The following PTBP2 variants were observed in gnomAD, a reference collection of about 807,000 sequenced individuals.
PTBP2 encodes polypyrimidine tract binding protein 2, also known as polypyrimidine tract-binding protein 2.
A neutral mutation model predicts 61.4 loss-of-function variants in PTBP2; 13 were observed. The observed-to-expected ratio is 0.21, with a 90% CI of 0.14 to 0.34. The LOEUF is 0.34. PTBP2 is among the 10% of genes least tolerant of loss of function. The pLI is 1.00. For synonymous variants in PTBP2, 215 were observed against 218.5 expected (o/e 0.98, Z 0.14); for missense variants, 405 against 642.6 (o/e 0.63, Z 4.00).
At chr1:96,792,681 G>C (rs1232222588) in intron 8 of PTBP2, among the ~76,000 whole-genome samples, 1 of 151,464 alleles carries the variant, frequency 6.6e-6, no homozygotes, top group Non-Finnish European at 1.5e-5. Flanking sequence ...TACCAAAAAT[G>C]TGTATTGTTC....
At chr1:96,727,334 C>G (rs1024440718) in intron 2 of PTBP2, among the ~76,000 whole-genome samples, 1 of 151,754 alleles carries the variant, frequency 6.6e-6, no homozygotes, top group Admixed American at 6.6e-5. Flanking sequence ...CCGTTTTGAG[C>G]TAATAAAAAT....
At chr1:96,749,820 T>G (rs1654312714) in intron 2 of PTBP2, 2 of 326,328 alleles carry the variant, frequency 6.1e-6, no homozygotes. Flanking sequence ...AATTTAATCC[T>G]AAGGGCTGTG....
exon 14 of PTBP2, chr1:96,823,422 A>T (rs1003454395): frequency 6.6e-6 from 1 of 152,214 alleles, no homozygotes; most frequent in Non-Finnish European, 1.5e-5. Flanking sequence ...AAGTTTTGAC[A>T]TGTAAATTAT....
chr1:96,807,677 A>G (rs990194123), intron 11 of PTBP2, among the ~76,000 whole-genome samples: 1 of 152,162 alleles, frequency 6.6e-6, no homozygotes, highest in Non-Finnish European at 1.5e-5. Flanking sequence ...TGATGTAAGG[A>G]CGAGTGTATT....
intron 2 of PTBP2, among the ~76,000 whole-genome samples, chr1:96,731,861 C>G (rs890666217): frequency 3.9e-5 from 6 of 152,012 alleles, no homozygotes; most frequent in African/African-American, 1.4e-4. Context: ...TACTCTTAAC[C>G]ATTTTGCCAA....
At chr1:96,755,108 T>C (rs1018739117) in intron 3 of PTBP2, among the ~76,000 whole-genome samples, 10 of 152,188 alleles carry the variant, frequency 6.6e-5, no homozygotes, top group African/African-American at 2.2e-4. Context: ...AAAGGACTTC[T>C]ATCCAGAATA....
intron 8 of PTBP2, among the ~76,000 whole-genome samples, chr1:96,785,479 T>C (rs1008254419): frequency 2.6e-5 from 4 of 152,190 alleles, no homozygotes; most frequent in Admixed American, 2.6e-4. Context: ...TTTTAATACC[T>C]TCAGCTTCTC....
chr1:96,756,567 C>G (rs571577495), intron 3 of PTBP2, among the ~76,000 whole-genome samples: 1 of 151,684 alleles, frequency 6.6e-6, no homozygotes, highest in Non-Finnish European at 1.5e-5. Flanking sequence ...GGTGAATGGC[C>G]AAATAAACTG....
At chr1:96,761,346 A>ATTGTGTGTGTGTG (rs375632927) in intron 3 of PTBP2, among the ~76,000 whole-genome samples, 3 of 140,480 alleles carry the variant, frequency 2.1e-5, no homozygotes, top group Non-Finnish European at 4.6e-5. Flanking sequence ...GTGGGATTTG[A>ATTGTGTGTGTGTG]TGTGTGTGTG....
At chr1:96,771,308 A>T (rs1365226891) in intron 5 of PTBP2, 1 of 153,106 alleles carries the variant, frequency 6.5e-6, no homozygotes, top group Non-Finnish European at 1.5e-5. Context: ...AAAATGTAAT[A>T]TAGAAGATAT....
chr1:96,818,529 A>G (rs960528180), downstream of PTBP2: 1 of 152,064 alleles, frequency 6.6e-6, no homozygotes, highest in African/African-American at 2.4e-5. Flanking sequence ...GAACCTCCCT[A>G]TTAAAAATAT....
At chr1:96,771,440 C>T (rs1310090499) in intron 5 of PTBP2, 1 of 151,760 alleles carries the variant, frequency 6.6e-6, no homozygotes, top group Non-Finnish European at 1.5e-5. Context: ...TGATATCTTT[C>T]TCTGTCAGTA....
At chr1:96,816,203 T>TA (rs1215016481), downstream of PTBP2, 1 of 152,218 alleles carries the variant, frequency 6.6e-6, no homozygotes, top group Non-Finnish European at 1.5e-5. Flanking sequence ...TATGCCCTAA[T>TA]ACGGCCTTCC....
intron 8 of PTBP2, among the ~76,000 whole-genome samples, chr1:96,794,373 A>C (rs1003794171): frequency 3.3e-5 from 5 of 152,234 alleles, no homozygotes; most frequent in Admixed American, 1.3e-4. Flanking sequence ...GCTAAAACAA[A>C]GAAAATACTT....
intron 5 of PTBP2, among the ~76,000 whole-genome samples, chr1:96,771,762 C>T (rs1250468705): frequency 6.6e-6 from 1 of 151,848 alleles, no homozygotes; most frequent in Non-Finnish European, 1.5e-5. Context: ...ATTGTTTATA[C>T]TTATGGTGTA....
chr1:96,753,350 A>G (rs1306403655), intron 3 of PTBP2, among the ~76,000 whole-genome samples: 1 of 152,132 alleles, frequency 6.6e-6, no homozygotes, highest in Non-Finnish European at 1.5e-5. Context: ...CACACCCTAT[A>G]GGAAGTGCCA....
chr1:96,761,448 C>T (rs1320384784), intron 3 of PTBP2, among the ~76,000 whole-genome samples: 8 of 151,316 alleles, frequency 5.3e-5, no homozygotes, highest in Admixed American at 4.6e-4. Context: ...TTGTATTTCA[C>T]AGGTAGGATC....
At chr1:96,815,728 ATAAT>A (rs1275151281), downstream of PTBP2, 4 of 152,218 alleles carry the variant, frequency 2.6e-5, no homozygotes, top group African/African-American at 9.6e-5. Context: ...AAAGAAGAAT[ATAAT>A]AAGTAAAATA....
intron 2 of PTBP2, among the ~76,000 whole-genome samples, chr1:96,732,537 T>G (rs2100812875): frequency 6.6e-6 from 1 of 152,308 alleles, no homozygotes; most frequent in South Asian, 2.1e-4. Flanking sequence ...CTCTTAGAAG[T>G]GTCATAGGCT....
Sources: allele counts gnomAD v4.1 joint callset (sites outside exome capture counted in the v4.1 genomes callset), GRCh38; gene constraint gnomAD v4.1.1; transcripts MANE v1.5; gene names NCBI Gene and HGNC (gene_info 2026-07-23, HGNC 2026-07-21).